Variants in SGCZ observed in about 807,000 individuals in gnomAD.
SGCZ encodes the protein zeta-sarcoglycan.
Under a neutral mutation model 41.3 loss-of-function variants are expected in SGCZ, and 40 were observed. The ratio of observed to expected loss-of-function variants is 0.97; its 90% CI spans 0.75 to 1.26. SGCZ has a LOEUF of 1.26. SGCZ is among the 50% of genes most tolerant of loss of function. SGCZ has a pLI of 0.00. For synonymous variants in SGCZ, 206 were observed against 137.5 expected (o/e 1.50, Z -3.49); for missense variants, 552 against 369.8 (o/e 1.49, Z -4.04).
chr8:14,134,665 T>C (rs559406221), intron 5 of SGCZ, among the ~76,000 whole-genome samples: 2 of 152,304 alleles, frequency 1.3e-5, no homozygotes, highest in South Asian at 4.1e-4. Context: ...TCTTTACCTA[T>C]GTGGGAAAAA....
intron 1 of SGCZ, among the ~76,000 whole-genome samples, chr8:14,608,547 G>C (rs768889617): frequency 1.3e-5 from 2 of 152,052 alleles, no homozygotes; most frequent in Non-Finnish European, 2.9e-5. Flanking sequence ...TCAACTGAGG[G>C]AGTAAGAACT....
intron 2 of SGCZ, among the ~76,000 whole-genome samples, chr8:14,481,227 T>C (rs959147036): frequency 6.6e-6 from 1 of 152,166 alleles, no homozygotes; most frequent in African/African-American, 2.4e-5. Flanking sequence ...GGAAATGCTA[T>C]TTCAACACAG....
intron 1 of SGCZ, among the ~76,000 whole-genome samples, chr8:14,675,688 C>T (rs1447300951): frequency 6.6e-6 from 1 of 152,148 alleles, no homozygotes; most frequent in Non-Finnish European, 1.5e-5. Context: ...AGAAACACAA[C>T]TCTGATTTCC....
chr8:15,034,003 T>C (rs1803781986), intron 1 of SGCZ, among the ~76,000 whole-genome samples: 1 of 152,104 alleles, frequency 6.6e-6, no homozygotes, highest in East Asian at 1.9e-4. Flanking sequence ...TAAAATAATT[T>C]CCTGCTTCTT....
At chr8:15,213,251 C>T (rs1418350866) in intron 1 of SGCZ, among the ~76,000 whole-genome samples, 1 of 151,764 alleles carries the variant, frequency 6.6e-6, no homozygotes, top group Non-Finnish European at 1.5e-5. Flanking sequence ...CAAGAGTAAT[C>T]CTACCCCTCA....
chr8:14,589,345 C>CAAA (rs34816729), intron 1 of SGCZ, among the ~76,000 whole-genome samples: 5 of 122,496 alleles, frequency 4.1e-5, no homozygotes, highest in African/African-American at 1.5e-4. Flanking sequence ...GACTCCATCT[C>CAAA]AAAAAAAAAA....
chr8:14,963,796 C>T (rs1267515839), intron 1 of SGCZ, among the ~76,000 whole-genome samples: 4 of 152,194 alleles, frequency 2.6e-5, no homozygotes, highest in Middle Eastern at 3.2e-3. Flanking sequence ...TCACTACTTA[C>T]AAGACTGTTT....
At chr8:14,121,322 T>A (rs1018641043) in intron 5 of SGCZ, among the ~76,000 whole-genome samples, 2 of 152,114 alleles carry the variant, frequency 1.3e-5, no homozygotes, top group Non-Finnish European at 2.9e-5. Context: ...AAAATGTTAT[T>A]CACTACTATT....
At chr8:14,984,045 T>A (rs1343413760) in intron 1 of SGCZ, among the ~76,000 whole-genome samples, 1 of 152,328 alleles carries the variant, frequency 6.6e-6, no homozygotes, top group South Asian at 2.1e-4. Context: ...TTTAGCTGAA[T>A]GGCAGTGATT....
At chr8:14,188,823 T>C (rs1804992923) in intron 4 of SGCZ, among the ~76,000 whole-genome samples, 1 of 18,440 alleles carries the variant, frequency 5.4e-5, no homozygotes, top group Non-Finnish European at 1.1e-4. Context: ...TTTGTTTCTT[T>C]GTTTTTTTTT....
intron 5 of SGCZ, among the ~76,000 whole-genome samples, chr8:14,151,109 T>C (rs1170494268): frequency 6.6e-6 from 1 of 152,146 alleles, no homozygotes; most frequent in Non-Finnish European, 1.5e-5. Context: ...ACCTGTTTGA[T>C]AGCACAATAG....
At chr8:14,890,148 C>T (rs543339482) in intron 1 of SGCZ, among the ~76,000 whole-genome samples, 2 of 151,522 alleles carry the variant, frequency 1.3e-5, no homozygotes, top group South Asian at 2.1e-4. Flanking sequence ...ACGTGGGAGG[C>T]GGAAGTTGCA....
intron 1 of SGCZ, among the ~76,000 whole-genome samples, chr8:14,885,081 G>C (rs1212234443): frequency 1.3e-5 from 2 of 152,118 alleles, no homozygotes; most frequent in Non-Finnish European, 2.9e-5. Context: ...GAAATACTTT[G>C]CCAAATCAGT....
At chr8:14,143,630 T>G (rs914527615) in intron 5 of SGCZ, among the ~76,000 whole-genome samples, 1 of 152,056 alleles carries the variant, frequency 6.6e-6, no homozygotes, top group African/African-American at 2.4e-5. Context: ...GGGCACCAAT[T>G]TAAGAACTAT....
intron 1 of SGCZ, among the ~76,000 whole-genome samples, chr8:14,959,736 C>T (rs552473080): frequency 2.0e-5 from 3 of 152,224 alleles, no homozygotes; most frequent in Admixed American, 1.3e-4. Flanking sequence ...TAATCGTTCA[C>T]GCTTTAATTC....
intron 1 of SGCZ, among the ~76,000 whole-genome samples, chr8:15,016,067 C>A (rs1372541465): frequency 6.6e-6 from 1 of 152,134 alleles, no homozygotes; most frequent in Admixed American, 6.6e-5. Context: ...TCCATTATAT[C>A]CTGCTGATTA....
At chr8:15,159,931 A>G (rs1366356101) in intron 1 of SGCZ, among the ~76,000 whole-genome samples, 1 of 151,706 alleles carries the variant, frequency 6.6e-6, no homozygotes, top group Non-Finnish European at 1.5e-5. Context: ...ACTTAGGGGG[A>G]AAAAGGAAGA....
intron 1 of SGCZ, among the ~76,000 whole-genome samples, chr8:15,147,531 G>T (rs1585612417): frequency 6.6e-6 from 1 of 152,132 alleles, no homozygotes; most frequent in African/African-American, 2.4e-5. Context: ...ACCTCCCTCG[G>T]CCCCACAAAG....
chr8:15,180,770 C>G (rs1159147574), intron 1 of SGCZ, among the ~76,000 whole-genome samples: 2 of 120,950 alleles, frequency 1.7e-5, no homozygotes, highest in Admixed American at 7.9e-5. Context: ...GCCTGTAGCC[C>G]CAGCTACTCA....
Sources: allele counts gnomAD v4.1 joint callset (sites outside exome capture counted in the v4.1 genomes callset), GRCh38; gene constraint gnomAD v4.1.1; transcripts MANE v1.5; gene names NCBI Gene and HGNC (gene_info 2026-07-23, HGNC 2026-07-21).